The following COPG2 variants were observed in gnomAD, a reference collection of about 807,000 sequenced individuals.
COPG2 encodes coat protein complex I subunit gamma 2, also known as coatomer subunit gamma-2.
COPG2 carries 37 observed loss-of-function variants against 46.3 expected under a neutral mutation model. The ratio of observed to expected loss-of-function variants is 0.80; its 90% CI spans 0.61 to 1.05. The LOEUF is 1.05. Among genes scored for constraint, COPG2 ranks in the 50% least tolerant of loss-of-function variants. The pLI is 0.00. For synonymous variants in COPG2, 159 were observed against 129.7 expected (o/e 1.23, Z -1.53); for missense variants, 427 against 387.8 (o/e 1.10, Z -0.85).
At chr7:130,587,247 C>T (rs1177676034) in intron 9 of COPG2, among the ~76,000 whole-genome samples, 2 of 151,844 alleles carry the variant, frequency 1.3e-5, no homozygotes, top group African/African-American at 4.8e-5. Flanking sequence ...GTGGACGCTA[C>T]AGTGAGCCGA....
chr7:130,509,002 T>C (rs1799550725), intron 20 of COPG2: 1 of 459,388 alleles, frequency 2.2e-6, no homozygotes, highest in Non-Finnish European at 4.2e-6. Flanking sequence ...ATAAATATTT[T>C]GAGAACCACT....
chr7:130,509,258 G>C (rs782246955), intron 20 of COPG2: 3 of 512,402 alleles, frequency 5.9e-6, no homozygotes, highest in Non-Finnish European at 1.2e-5. Flanking sequence ...AAAAGCAAGT[G>C]GGCAGTTGTA....
chr7:130,523,960 G>A (rs1320294949), intron 20 of COPG2, among the ~76,000 whole-genome samples: 1 of 152,030 alleles, frequency 6.6e-6, no homozygotes, highest in Non-Finnish European at 1.5e-5. Context: ...TGTGCTGGCG[G>A]GGCAGGGGGA....
At chr7:130,559,614 C>T (rs1793687004) in intron 12 of COPG2, among the ~76,000 whole-genome samples, 1 of 152,230 alleles carries the variant, frequency 6.6e-6, no homozygotes, top group African/African-American at 2.4e-5. Flanking sequence ...ATAGAGACCA[C>T]TGACCCTGTG....
At chr7:130,510,878 G>A in intron 20 of COPG2, 1 of 516,702 alleles carries the variant, frequency 1.9e-6, no homozygotes, top group South Asian at 1.4e-5. Context: ...AGAAAATACT[G>A]AATGCACTGC....
intron 9 of COPG2, among the ~76,000 whole-genome samples, chr7:130,574,197 G>T (rs1454210448): frequency 1.3e-5 from 2 of 152,164 alleles, no homozygotes; most frequent in Non-Finnish European, 2.9e-5. Flanking sequence ...GTCATAAAAA[G>T]GAATGAAGTA....
intron 9 of COPG2, chr7:130,605,640 A>C: frequency 4.2e-6 from 2 of 477,032 alleles, no homozygotes; most frequent in South Asian, 3.0e-5. Flanking sequence ...GCACAGACTA[A>C]CCTCCAGCTG....
At chr7:130,575,294 T>G (rs782764421) in intron 9 of COPG2, among the ~76,000 whole-genome samples, 1 of 151,968 alleles carries the variant, frequency 6.6e-6, no homozygotes, top group East Asian at 1.9e-4. Context: ...ATCTTAAGAG[T>G]TGTGAGACAG....
chr7:130,649,692 T>C (rs1795698181), intron 5 of COPG2, among the ~76,000 whole-genome samples: 1 of 152,230 alleles, frequency 6.6e-6, no homozygotes, highest in Admixed American at 6.5e-5. Flanking sequence ...CTCACTTTTT[T>C]CTAAGTCTAA....
chr7:130,651,899 G>A (rs994412978), intron 5 of COPG2, among the ~76,000 whole-genome samples: 6 of 151,380 alleles, frequency 4.0e-5, no homozygotes, highest in Admixed American at 2.0e-4. Flanking sequence ...ATCCACCTGC[G>A]TCGGCCTCCC....
rs1271033035 is a variant in COPG2 at position 130,513,373 on chromosome 7, A to G, written c.2150-4714T>C. Among the ~76,000 whole-genome samples the G allele has an allele frequency of 2.4e-3, 111 of 46,984 alleles. 4 individuals carry two copies. Among genetic ancestry groups the G allele is most frequent in the East Asian group, 0.011 (11 of 1,012 alleles). The allele number at this position is 46,984 out of a possible 152,430, so 30.8% of individuals were successfully genotyped here. ...TGTGTGTGTGTGTATATATATATATATATGTGTGTGTGTGTGTATATATAT... is the reference window on the plus strand; with the variant it reads ...TGTGTGTGTGTGTATATATATATATGTATGTGTGTGTGTGTGTATATATAT... On this transcript the variant is annotated intron_variant, in intron 20 of 23. Transcript: ENST00000425248.
At chr7:130,552,251 C>T in intron 15 of COPG2, 104 bp downstream of exon 15, 1 of 394,342 alleles carries the variant, frequency 2.5e-6, no homozygotes. Context: ...AATAACTCTA[C>T]TCTTAGGGCT....
rs1554440845 is a variant in COPG2 at position 130,510,137 on chromosome 7, A to G, written c.2150-1478T>C. On this transcript the variant is annotated intron_variant, in intron 20 of 23. Transcript: ENST00000425248. ...TTGAAAGGTTAGAGATAAGCTAGAT[A>G]AGGTGCCTAATTTAAGCCACTGGTG... The G allele has an allele frequency of 5.8e-6, 3 of 520,174 alleles. 1 individual carries two copies. Among genetic ancestry groups the G allele is most frequent in the South Asian group, 4.2e-5 (3 of 71,590 alleles). The allele number at this position is 520,174 out of a possible 1,614,324, so 32.2% of individuals were successfully genotyped here.
intron 4 of COPG2, among the ~76,000 whole-genome samples, chr7:130,657,192 A>G (rs1795874925): frequency 6.6e-6 from 1 of 152,036 alleles, no homozygotes; most frequent in African/African-American, 2.4e-5. Context: ...TAATGTGCCA[A>G]CGTGCCAATG....
chr7:130,538,667 C>A (rs1331790971), intron 20 of COPG2, among the ~76,000 whole-genome samples: 1 of 87,904 alleles, frequency 1.1e-5, no homozygotes, highest in Non-Finnish European at 2.3e-5. Context: ...GGCAGGTAAA[C>A]CTTGGGGGCT....
At chr7:130,626,974 T>G (rs1394705726) in intron 5 of COPG2, among the ~76,000 whole-genome samples, 1 of 152,078 alleles carries the variant, frequency 6.6e-6, no homozygotes, top group African/African-American at 2.4e-5. Flanking sequence ...AACCTCCACC[T>G]CCCAGGCTCA....
intron 5 of COPG2, among the ~76,000 whole-genome samples, chr7:130,651,616 A>G (rs1365449729): frequency 5.8e-4 from 81 of 139,544 alleles, no homozygotes; most frequent in Non-Finnish European, 1.0e-3. Flanking sequence ...TCCCGGGTTC[A>G]CGCCATTCTC....
chr7:130,649,275 G>A (rs542813614), intron 5 of COPG2, among the ~76,000 whole-genome samples: 1 of 152,150 alleles, frequency 6.6e-6, no homozygotes, highest in African/African-American at 2.4e-5. Flanking sequence ...TTTCCTGACC[G>A]TGAAACTCCT....
At chr7:130,597,583 G>A (rs543674452) in intron 9 of COPG2, among the ~76,000 whole-genome samples, 1 of 151,498 alleles carries the variant, frequency 6.6e-6, no homozygotes, top group South Asian at 2.1e-4. Flanking sequence ...GCCCTAATTG[G>A]AATTATCAAC....
Sources: gnomAD v4.1 joint callset for allele counts (sites outside exome capture counted in the v4.1 genomes callset) on GRCh38, gnomAD v4.1.1 for gene constraint, MANE v1.5 for transcripts, NCBI Gene and HGNC (gene_info 2026-07-23, HGNC 2026-07-21) for gene names.